XKR6: variants seen among roughly 807,000 people sequenced by gnomAD.
XKR6 encodes XK related 6.
Under a neutral mutation model 56.7 loss-of-function variants are expected in XKR6, and 22 were observed. The observed-to-expected ratio is 0.39, with a 90% CI of 0.28 to 0.55. The LOEUF (loss-of-function observed/expected upper bound fraction) is 0.55, where lower values mean the gene tolerates loss of function less well. XKR6 is among the 20% of genes least tolerant of loss of function. The pLI is 0.66. For synonymous variants in XKR6, 524 were observed against 387.8 expected (o/e 1.35, Z -4.13); for missense variants, 852 against 889.0 (o/e 0.96, Z 0.53).
At chr8:10,994,075 T>A (rs936399551) in intron 1 of XKR6, among the ~76,000 whole-genome samples, 5 of 152,286 alleles carry the variant, frequency 3.3e-5, no homozygotes, top group African/African-American at 1.2e-4. Flanking sequence ...CCCCTGAAAG[T>A]CTTGCCACCC....
intron 1 of XKR6, among the ~76,000 whole-genome samples, chr8:11,120,617 T>TA (rs1464137049): frequency 2.0e-5 from 3 of 152,150 alleles, no homozygotes; most frequent in South Asian, 4.2e-4. Flanking sequence ...CTGCCCAAGG[T>TA]AATTTATAGA....
chr8:11,171,585 C>T (rs997192438), intron 1 of XKR6, among the ~76,000 whole-genome samples: 3 of 152,212 alleles, frequency 2.0e-5, no homozygotes, highest in African/African-American at 7.2e-5. Context: ...CCTAGCCCTT[C>T]TGGCTCTCTC....
chr8:11,005,105 A>G (rs967048730), intron 1 of XKR6, among the ~76,000 whole-genome samples: 3 of 152,050 alleles, frequency 2.0e-5, no homozygotes, highest in Admixed American at 6.6e-5. Flanking sequence ...CTCTATATAT[A>G]CTAAGTTTTT....
At chr8:10,923,077 C>A (rs976273626) in intron 2 of XKR6, among the ~76,000 whole-genome samples, 13 of 152,256 alleles carry the variant, frequency 8.5e-5, no homozygotes, top group Admixed American at 2.0e-4. Context: ...TGTCACCCCA[C>A]TGGCAGCACC....
chr8:11,142,968 T>C (rs1180775311), intron 1 of XKR6, among the ~76,000 whole-genome samples: 2 of 152,216 alleles, frequency 1.3e-5, no homozygotes, highest in African/African-American at 2.4e-5. Context: ...AATCAATTCA[T>C]TATTTTGAAA....
At chr8:10,969,184 A>G (rs1802322674) in intron 1 of XKR6, among the ~76,000 whole-genome samples, 1 of 152,170 alleles carries the variant, frequency 6.6e-6, no homozygotes, top group Non-Finnish European at 1.5e-5. Context: ...CAAGCACTGC[A>G]GGGATCCTGA....
chr8:11,000,852 C>A (rs1239913536), intron 1 of XKR6, among the ~76,000 whole-genome samples: 1 of 152,068 alleles, frequency 6.6e-6, no homozygotes, highest in Non-Finnish European at 1.5e-5. Context: ...AAAGGAAATT[C>A]CCAGATGAGA....
intron 1 of XKR6, among the ~76,000 whole-genome samples, chr8:11,056,021 T>G (rs1014962166): frequency 6.6e-6 from 1 of 152,148 alleles, no homozygotes; most frequent in East Asian, 1.9e-4. Context: ...TGGGTCTCGA[T>G]TCAGGATTCC....
At chr8:10,916,003 G>C (rs912230684) in intron 2 of XKR6, among the ~76,000 whole-genome samples, 5 of 152,244 alleles carry the variant, frequency 3.3e-5, no homozygotes, top group Non-Finnish European at 7.3e-5. Flanking sequence ...TGGAGCTCTT[G>C]TGCTGGCAGA....
At chr8:11,106,278 C>A (rs1376060110) in intron 1 of XKR6, 1 of 151,616 alleles carries the variant, frequency 6.6e-6, no homozygotes, top group Non-Finnish European at 1.5e-5. Flanking sequence ...GACGTGACCA[C>A]CTTCCCTGCA....
At chr8:11,160,490 ATAAC>A (rs1210043841) in intron 1 of XKR6, among the ~76,000 whole-genome samples, 2 of 152,238 alleles carry the variant, frequency 1.3e-5, no homozygotes, top group Non-Finnish European at 2.9e-5. Flanking sequence ...AGGAGGCATC[ATAAC>A]TGTCTTCCAC....
chr8:11,039,778 C>T (rs954687863), intron 1 of XKR6, among the ~76,000 whole-genome samples: 4 of 152,178 alleles, frequency 2.6e-5, no homozygotes, highest in East Asian at 1.9e-4. Flanking sequence ...AATAAGTGCA[C>T]GTCCCGGCCC....
At chr8:11,128,838 C>A (rs1799958094) in intron 1 of XKR6, 1 of 456,736 alleles carries the variant, frequency 2.2e-6, no homozygotes, top group South Asian at 1.5e-5. Flanking sequence ...GATCACCTTA[C>A]CACCTCCACT....
chr8:10,909,059 G>C (rs544946833), intron 2 of XKR6, among the ~76,000 whole-genome samples: 1 of 152,222 alleles, frequency 6.6e-6, no homozygotes, highest in African/African-American at 2.4e-5. Flanking sequence ...CCAGCTACTT[G>C]GGAGGCTGAG....
intron 1 of XKR6, among the ~76,000 whole-genome samples, chr8:10,937,779 C>G (rs1238340422): frequency 6.6e-6 from 1 of 151,290 alleles, no homozygotes; most frequent in Non-Finnish European, 1.5e-5. Context: ...CAGCTGCGTG[C>G]TGGGAGAACC....
chr8:11,060,385 G>C (rs1799799528), intron 1 of XKR6, among the ~76,000 whole-genome samples: 2 of 152,166 alleles, frequency 1.3e-5, no homozygotes, highest in Non-Finnish European at 2.9e-5. Flanking sequence ...ACCTTCCCTA[G>C]ACCATGCTAA....
chr8:10,919,704 G>T (rs1322766373), intron 2 of XKR6, among the ~76,000 whole-genome samples: 1 of 152,168 alleles, frequency 6.6e-6, no homozygotes, highest in Non-Finnish European at 1.5e-5. Flanking sequence ...TCTGCATGCA[G>T]CCCTGTCTGA....
rs141357916 is a variant in XKR6 at position 11,091,436 on chromosome 8, C to CAAATAAATAAATAAATAAAT, written c.764+109120_764+109139dup. On this transcript the variant is annotated intron_variant, in intron 1 of 2. Transcript: ENST00000416569. ...TGGGCAACAGAATGAGACCCTGACTCAAATAAATAAATAAATAAATAGATA... is the reference window on the plus strand; with the variant it reads ...TGGGCAACAGAATGAGACCCTGACTCAAATAAATAAATAAATAAATAAATAAATAAATAAATAAATAGATA... 7.0e-3 allele frequency among the ~76,000 whole-genome samples: 1,008 copies of CAAATAAATAAATAAATAAAT among 142,986 alleles called. 9 individuals are homozygous for CAAATAAATAAATAAATAAAT. The highest frequency in any genetic ancestry group is 0.029 in the South Asian group (121 of 4,222). 93.8% of individuals were successfully genotyped at this position (142,986 alleles called of 152,430 possible).
chr8:11,160,688 T>A lies in XKR6; in HGVS notation c.764+39888A>T, dbSNP rs62488586. On this transcript the variant is annotated intron_variant, in intron 1 of 2. Transcript: ENST00000416569. ...ACTTTGCAAGGCCAAGGCGGGTGGA[T>A]CCCGAGGTCAAGAGATCGAGACCAG... 2.2e-3 allele frequency among the ~76,000 whole-genome samples: 337 copies of A among 152,082 alleles called. 3 individuals carry two copies. The highest frequency in any genetic ancestry group is 2.5e-3 in the Non-Finnish European group (172 of 67,952).
Sources: allele counts gnomAD v4.1 joint callset (sites outside exome capture counted in the v4.1 genomes callset), GRCh38; gene constraint gnomAD v4.1.1; transcripts MANE v1.5; gene names NCBI Gene and HGNC (gene_info 2026-07-23, HGNC 2026-07-21).